UNC80: variants seen among roughly 807,000 people sequenced by gnomAD.
The protein encoded by UNC80 is unc-80 subunit of NALCN channel complex.
A neutral mutation model predicts 384.6 loss-of-function variants in UNC80; 164 were observed. The observed-to-expected ratio is 0.43, with a 90% confidence interval of 0.38 to 0.49. The LOEUF is 0.49. Among genes scored for constraint, UNC80 ranks in the 20% least tolerant of loss-of-function variants. The pLI, the probability that UNC80 is intolerant of heterozygous loss-of-function variation, is 0.00. For synonymous variants in UNC80, 1,486 were observed against 1,527.8 expected, an observed-to-expected ratio of 0.97 and a Z score of 0.64; for missense variants, 3,330 against 4,143.0, an observed-to-expected ratio of 0.80 and a Z score of 5.39.
At chr2:209,944,379 T>G (rs536287456) in intron 45 of UNC80, among the ~76,000 whole-genome samples, 1 of 152,334 alleles carries the variant, frequency 6.6e-6, no homozygotes, top group South Asian at 2.1e-4. Flanking sequence ...TAACATGAAT[T>G]TCTACGACAC....
At chr2:209,964,858 A>G (rs1220583510) in intron 51 of UNC80, among the ~76,000 whole-genome samples, 1 of 152,040 alleles carries the variant, frequency 6.6e-6, no homozygotes, top group Non-Finnish European at 1.5e-5. Context: ...GGACATATCA[A>G]CAAATTGAAA....
intron 23 of UNC80, among the ~76,000 whole-genome samples, chr2:209,873,478 C>T (rs1391776140): frequency 6.6e-6 from 1 of 152,062 alleles, no homozygotes; most frequent in African/African-American, 2.4e-5. Context: ...TTGGAAATTG[C>T]ACTCACATAA....
intron 23 of UNC80, among the ~76,000 whole-genome samples, chr2:209,875,407 TTAAA>T (rs967003490): frequency 3.3e-5 from 5 of 152,182 alleles, no homozygotes; most frequent in African/African-American, 9.7e-5. Context: ...GAATATGTAT[TTAAA>T]TACTTTCCTC....
chr2:209,810,813 AAC>A (rs1337225069), intron 7 of UNC80, among the ~76,000 whole-genome samples: 3 of 152,240 alleles, frequency 2.0e-5, no homozygotes, highest in South Asian at 2.1e-4. Context: ...TCAAGAAAAC[AAC>A]AGTTTCACAG....
intron 24 of UNC80, among the ~76,000 whole-genome samples, chr2:209,879,577 G>A (rs888622997): frequency 1.3e-5 from 2 of 152,102 alleles, no homozygotes; most frequent in African/African-American, 4.8e-5. Flanking sequence ...GGAGTGAAAC[G>A]GCAGACCCAA....
intron 26 of UNC80, among the ~76,000 whole-genome samples, chr2:209,888,700 C>T (rs1403805486): frequency 6.6e-6 from 1 of 152,076 alleles, no homozygotes; most frequent in Non-Finnish European, 1.5e-5. Context: ...ACTGCAACTT[C>T]CGCCTCCCAG....
chr2:209,855,276 A>C, intron 22 of UNC80, among the ~76,000 whole-genome samples: 1 of 152,094 alleles, frequency 6.6e-6, no homozygotes, highest in East Asian at 1.9e-4. Context: ...ACACAGGGGA[A>C]CAACACACAC....
chr2:209,921,737 C>A, intron 34 of UNC80, 51 bp downstream of exon 34: 2 of 1,480,032 alleles, frequency 1.4e-6, no homozygotes, highest in African/African-American at 2.8e-5. Flanking sequence ...AGGGAAATAA[C>A]GTGCTCTGAA....
chr2:209,896,078 A>G (rs1039153872), intron 27 of UNC80, among the ~76,000 whole-genome samples: 1 of 152,106 alleles, frequency 6.6e-6, no homozygotes, highest in Admixed American at 6.6e-5. Flanking sequence ...CCATCTCTCA[A>G]AATGGAAGCC....
chr2:209,789,688 A>G (rs1322321738), intron 6 of UNC80, 83 bp downstream of exon 6: 2 of 990,686 alleles, frequency 2.0e-6, no homozygotes, highest in Admixed American at 4.1e-5. Flanking sequence ...CATGAGTTCT[A>G]GAATCACTAC....
chr2:209,772,973 AG>A (rs2076662823), intron 1 of UNC80, 120 bp from the exon 2 acceptor site: 8 of 774,858 alleles, frequency 1.0e-5, no homozygotes, highest in Non-Finnish European at 1.3e-5. Flanking sequence ...AAAAGCTATA[AG>A]GAAGCATGAA....
chr2:209,906,870 T>C (rs564516271), intron 29 of UNC80, among the ~76,000 whole-genome samples: 1 of 152,326 alleles, frequency 6.6e-6, no homozygotes, highest in South Asian at 2.1e-4. Flanking sequence ...CCCTTAGCTT[T>C]AGGTTAAAAC....
rs2085996779 is a variant in UNC80, at chr2:209,888,109, C to T, written c.4125C>T (p.Cys1375=). 3.2e-6 allele frequency: 5 copies of T among 1,551,540 alleles called. No individual in the cohort carries two copies. The highest frequency in any genetic ancestry group is 1.2e-5 in the South Asian group (1 of 84,060). Residue 1375 remains cysteine, a synonymous_variant, in exon 26 of 65, where the codon TGC becomes TGT. Transcript: ENST00000673920. ...TGGCATTTTAGGACTTGGAGAGCTG[C>T]AGACTTCGTTTGGATCCCGAGTTGG... ...RTEPLVDLES[C]RLRLDPELDR...
At chr2:209,846,535 G>GT (rs2082184213) in intron 21 of UNC80, among the ~76,000 whole-genome samples, 1 of 151,812 alleles carries the variant, frequency 6.6e-6, no homozygotes, top group Admixed American at 6.6e-5. Flanking sequence ...ACCCATAAGT[G>GT]TATATGATAA....
chr2:209,847,858 T>G (rs1333149129), intron 21 of UNC80, among the ~76,000 whole-genome samples: 5 of 152,008 alleles, frequency 3.3e-5, no homozygotes, highest in South Asian at 4.1e-4. Flanking sequence ...AGGCAGTTAT[T>G]ACCTAATGTA....
intron 24 of UNC80, among the ~76,000 whole-genome samples, chr2:209,880,411 CTG>C (rs2085182806): frequency 6.6e-6 from 1 of 152,204 alleles, no homozygotes; most frequent in African/African-American, 2.4e-5. Flanking sequence ...TATGTCTTGT[CTG>C]TGTTGCAGAA....
chr2:209,897,706 G>T (rs190582044), intron 28 of UNC80, among the ~76,000 whole-genome samples: 245 of 152,262 alleles, frequency 1.6e-3, no homozygotes, highest in African/African-American at 5.7e-3. Flanking sequence ...ATTTATTAGA[G>T]CTTCTTTAAA....
At chr2:209,984,800 C>CTTTTTTTT in intron 60 of UNC80, 56 bp from the exon 61 acceptor site, 1 of 1,137,914 alleles carries the variant, frequency 8.8e-7, no homozygotes. Flanking sequence ...TTTCTTTTTT[C>CTTTTTTTT]TTTTTTTTTT....
In UNC80 at chr2:209,954,289, A is replaced by AT. The variant is rs1205242357; in HGVS notation, c.7457+20dup. The AT allele has an allele frequency of 2.7e-6, 4 of 1,471,042 alleles. No homozygotes were observed. In the African/African-American group the frequency reaches 4.3e-5, roughly 16 times the overall value. The allele number at this position is 1,471,042 out of a possible 1,614,324, so 91.1% of individuals were successfully genotyped here. Reference sequence around the variant, plus strand: ...TCACCAGGTAATCCCATTGGCAGAAATAGCTACAGCCTTACATCATATGTT... The same window carrying AT: ...TCACCAGGTAATCCCATTGGCAGAAATTAGCTACAGCCTTACATCATATGTT... On this transcript the variant is annotated intron_variant, in intron 48 of 64. Coordinates refer to ENST00000673920, the MANE Select transcript of UNC80 (RefSeq NM_001371986.1).
Sources: allele counts gnomAD v4.1 joint callset (sites outside exome capture counted in the v4.1 genomes callset), GRCh38; gene constraint gnomAD v4.1.1; transcripts MANE v1.5; gene names NCBI Gene and HGNC (gene_info 2026-07-23, HGNC 2026-07-21).